The following IL18R1 variants were observed in gnomAD, a reference collection of about 807,000 sequenced individuals.
IL18R1 encodes the protein interleukin 18 receptor 1.
IL18R1 carries 40 observed loss-of-function variants against 48.5 expected under a neutral mutation model. The ratio of observed to expected loss-of-function variants is 0.82; its 90% CI spans 0.64 to 1.07. The LOEUF is 1.07. Ranked by LOEUF, IL18R1 falls within the 50% of genes least tolerant of loss-of-function variation. IL18R1 has a pLI of 0.00. For synonymous variants in IL18R1, 232 were observed against 225.9 expected (o/e 1.03, Z -0.24); for missense variants, 596 against 633.7 (o/e 0.94, Z 0.64).
rs190797462 is a variant in IL18R1 at position 102,364,885 on chromosome 2, C to T, written c.58+2167C>T. Among the ~76,000 whole-genome samples the T allele has an allele frequency of 2.0e-3, 298 of 152,232 alleles. 1 individual carries two copies. The highest frequency in any genetic ancestry group is 3.3e-3 in the Non-Finnish European group (222 of 68,000). On this transcript the variant is annotated intron_variant, in intron 2 of 10. Coordinates refer to ENST00000233957, the MANE Select transcript of IL18R1 (RefSeq NM_003855.5). Reference sequence around the variant, plus strand: ...AAAGGGGAAAAGCCCCTTATAAAAACATCAGATCTTATGAGAACTCACTCA... The same window carrying T: ...AAAGGGGAAAAGCCCCTTATAAAAATATCAGATCTTATGAGAACTCACTCA...
rs1162557756 is a variant in IL18R1 at position 102,397,424 on chromosome 2, G to A, written c.*538G>A. On this transcript the variant is annotated 3_prime_UTR_variant, in exon 11 of 11. Transcript: ENST00000233957. ...CGCCTTCAGAGGCTGCAGGGCCTCA[G>A]CCTCAGGATGCATTTAATGTATCCT... 1.3e-5 allele frequency: 2 copies of A among 152,974 alleles called. No individual in the cohort carries two copies. Among genetic ancestry groups the A allele is most frequent in the Non-Finnish European group, 2.9e-5 (2 of 68,558 alleles). 9.5% of individuals were successfully genotyped at this position (152,974 alleles called of 1,614,324 possible).
chr2:102,371,984 A>T lies in IL18R1; in HGVS notation c.334A>T (p.Ile112Phe). Residue 112 changes from isoleucine to phenylalanine, a missense_variant, in exon 4 of 11, where the codon ATC becomes TTC. Physicochemically the swap from Ile to Phe is conservative, Grantham distance 21. Coordinates refer to ENST00000233957, the MANE Select transcript of IL18R1 (RefSeq NM_003855.5). ...NYTQKWKLNVIRRNKHSCFTE... is the reference protein window; with the variant it reads ...NYTQKWKLNVFRRNKHSCFTE... Reference sequence around the variant, plus strand: ...TACTCAGAAATGGAAATTAAATGTCATCAGAAGAAATAAACACAGCTGTTT... The same window carrying T: ...TACTCAGAAATGGAAATTAAATGTCTTCAGAAGAAATAAACACAGCTGTTT... 6.4e-7 allele frequency: 1 copy of T among 1,567,514 alleles called. No homozygotes were observed. The highest frequency in any genetic ancestry group is 1.2e-5 in the South Asian group (1 of 86,676).
Position 102,369,751 on chromosome 2 carries a change from G to T in IL18R1, c.302+1683G>T, listed in dbSNP as rs550151149. ...CTATCAGTGAACAGACTTTACACCT[G>T]AAAATTTCCCGTTAGAACAGTAATT... On this transcript the variant is annotated intron_variant, in intron 3 of 10. Transcript: ENST00000233957. Among the ~76,000 whole-genome samples, 156 of 152,296 alleles carry T rather than the reference G, an allele frequency of 1.0e-3. 1 individual carries two copies. The highest frequency in any genetic ancestry group is 3.6e-3 in the African/African-American group (150 of 41,554).
At chr2:102,369,322 A>G (rs1444015407) in intron 3 of IL18R1, among the ~76,000 whole-genome samples, 1 of 152,242 alleles carries the variant, frequency 6.6e-6, no homozygotes, top group Non-Finnish European at 1.5e-5. Context: ...GAGATAACAG[A>G]AGCAAATGGC....
chr2:102,365,624 T>C (rs1678846523), intron 2 of IL18R1, among the ~76,000 whole-genome samples: 1 of 152,206 alleles, frequency 6.6e-6, no homozygotes, highest in Admixed American at 6.5e-5. Flanking sequence ...GTGGGGACTC[T>C]GTATGGGAGC....
chr2:102,384,939 G>A lies in IL18R1; in HGVS notation c.750G>A (p.Met250Ile). 1 of 1,610,420 alleles carries A rather than the reference G, an allele frequency of 6.2e-7. No individual in the cohort carries two copies. The highest frequency in any genetic ancestry group is 1.3e-5 in the African/African-American group (1 of 74,964). The change falls in exon 7 of 11, where the codon ATG (methionine) becomes ATA (isoleucine). Residue 250 changes from methionine to isoleucine, a missense_variant. Met to Ile is a conservative substitution (Grantham distance 10). This residue lies in a region of IL18R1 where 360 missense variants were observed against 339.4 expected (regional missense o/e 1.06). Transcript: ENST00000233957. ...ATGAAGAGGATGTAATTTATTGGAT[G>A]TTCGGGGAAGAAAATGGATCGGATC... ...LLNEEDVIYW[M>I]FGEENGSDPN...
chr2:102,368,123 A>G (rs1679023946), intron 3 of IL18R1, 55 bp downstream of exon 3: 3 of 1,595,442 alleles, frequency 1.9e-6, no homozygotes, highest in African/African-American at 2.7e-5. Flanking sequence ...TCCTTTGTTC[A>G]GCAACTCAAA....
chr2:102,386,087 T>C (rs1458124368), intron 7 of IL18R1, among the ~76,000 whole-genome samples: 2 of 152,132 alleles, frequency 1.3e-5, no homozygotes, highest in Non-Finnish European at 1.5e-5. Flanking sequence ...CATTCCAAAA[T>C]GTACTTGAGG....
intron 5 of IL18R1, among the ~76,000 whole-genome samples, chr2:102,378,748 T>C (rs897191052): frequency 6.6e-6 from 1 of 152,246 alleles, no homozygotes; most frequent in African/African-American, 2.4e-5. Context: ...ATTACATGCC[T>C]GTTGTGTGCA....
intron 9 of IL18R1, 112 bp from the exon 10 acceptor site, chr2:102,394,357 T>A: frequency 1.3e-6 from 1 of 762,940 alleles, no homozygotes; most frequent in Non-Finnish European, 2.0e-6. Flanking sequence ...ACTTTATATA[T>A]AATTTGTTTT....
chr2:102,396,469 T>A (rs1299062709), intron 10 of IL18R1, 62 bp from the exon 11 acceptor site: 2 of 1,003,134 alleles, frequency 2.0e-6, no homozygotes, highest in African/African-American at 3.2e-5. Flanking sequence ...GCAAAATGAC[T>A]TTTATCTCAT....
chr2:102,393,008 A>G (rs1483851781), intron 9 of IL18R1, among the ~76,000 whole-genome samples: 1 of 152,226 alleles, frequency 6.6e-6, no homozygotes, highest in Non-Finnish European at 1.5e-5. Flanking sequence ...TTAATAGTTG[A>G]AAAGCTAATT....
chr2:102,374,765 G>A lies in IL18R1; in HGVS notation c.469-1142G>A, dbSNP rs10439411. 5.5e-3 allele frequency among the ~76,000 whole-genome samples: 813 copies of A among 147,904 alleles called. 17 individuals carry two copies. The highest frequency in any genetic ancestry group is 0.019 in the African/African-American group (780 of 40,414). The stretch of plus-strand genomic sequence containing the variant: ...TGCACTCCAGCCTAGGGGAGAGAGC[G>A]ATACTCCGTCTCAAAAAAAAAAAAA... On this transcript the variant is annotated intron_variant, in intron 4 of 10. Transcript: ENST00000233957.
rs1678996406 is a variant in IL18R1, at chr2:102,367,821, G to A, written c.59-4G>A. On this transcript the variant is annotated splice_polypyrimidine_tract_variant and splice_region_variant and intron_variant, in intron 2 of 10. Transcript: ENST00000233957. ...ATTTATTTTACTTTACTAATCTTTTGAAGAATCTTGTACTTCACGTCCCCA... is the reference window on the plus strand; with the variant it reads ...ATTTATTTTACTTTACTAATCTTTTAAAGAATCTTGTACTTCACGTCCCCA... The A allele has an allele frequency of 6.2e-7, 1 of 1,608,176 alleles. No individual in the cohort carries two copies. The highest frequency in any genetic ancestry group is 1.1e-5 in the South Asian group (1 of 90,524).
chr2:102,358,017 G>A (rs964235518), intron 1 of IL18R1, among the ~76,000 whole-genome samples: 3 of 152,006 alleles, frequency 2.0e-5, no homozygotes, highest in African/African-American at 7.3e-5. Context: ...AAAAAAAACT[G>A]GTGTTATGAT....
intron 4 of IL18R1, among the ~76,000 whole-genome samples, chr2:102,372,795 G>A (rs1488777581): frequency 6.6e-6 from 1 of 152,018 alleles, no homozygotes; most frequent in Admixed American, 6.6e-5. Context: ...ATTGTTATTG[G>A]ACATTTGTGA....
intron 5 of IL18R1, among the ~76,000 whole-genome samples, chr2:102,380,551 A>G (rs1024597279): frequency 6.6e-6 from 1 of 151,876 alleles, no homozygotes; most frequent in Non-Finnish European, 1.5e-5. Context: ...TTGCCCAGAG[A>G]CTCCAAATCC....
chr2:102,376,037 A>G lies in IL18R1; in HGVS notation c.599A>G (p.Lys200Arg). Residue 200 changes from lysine (K) to arginine (R), a missense_variant, in exon 5 of 11, where the codon AAA (lysine) becomes AGA (arginine). This residue lies in a region of IL18R1 where 360 missense variants were observed against 339.4 expected (regional missense o/e 1.06). Transcript: ENST00000233957. ...AATGGAAAACTATTTAATATCACCAAAACCTTCAATATAACAATAGTGGAA... is the reference window on the plus strand; with the variant it reads ...AATGGAAAACTATTTAATATCACCAGAACCTTCAATATAACAATAGTGGAA... ...HHNGKLFNITKTFNITIVEDR... is the reference protein window; with the variant it reads ...HHNGKLFNITRTFNITIVEDR... 5 of 1,599,514 alleles carry G rather than the reference A, an allele frequency of 3.1e-6. No individual in the cohort carries two copies. The highest frequency in any genetic ancestry group is 4.3e-6 in the Non-Finnish European group (5 of 1,175,236).
intron 1 of IL18R1, among the ~76,000 whole-genome samples, chr2:102,357,911 A>C (rs7603730): frequency 0.44 from 66,985 of 151,846 alleles, 16,644 homozygotes; most frequent in African/African-American, 0.67. Context: ...TTATGCCCCA[A>C]GATCATTTTC....
Sources: gnomAD v4.1 joint callset for allele counts (sites outside exome capture counted in the v4.1 genomes callset) on GRCh38, gnomAD v4.1.1 for gene constraint, gnomAD v4.1.1 regional missense constraint, MANE v1.5 for transcripts, NCBI Gene and HGNC (gene_info 2026-07-23, HGNC 2026-07-21) for gene names.